The following CACNA2D3 variants were observed in gnomAD, a reference collection of about 807,000 sequenced individuals.
The protein encoded by CACNA2D3 is voltage-dependent calcium channel subunit alpha-2/delta-3.
CACNA2D3 carries 60 observed loss-of-function variants against 160.6 expected under a neutral mutation model. The observed-to-expected ratio is 0.37, with a 90% confidence interval of 0.30 to 0.46. The LOEUF (loss-of-function observed/expected upper bound fraction) is 0.46, where lower values mean the gene tolerates loss of function less well. Among genes scored for constraint, CACNA2D3 ranks in the 20% least tolerant of loss-of-function variants. The pLI, the probability that CACNA2D3 is intolerant of heterozygous loss-of-function variation, is 1.00. For synonymous variants in CACNA2D3, 558 were observed against 492.9 expected (o/e 1.13, Z -1.75); for missense variants, 1,205 against 1,365.0 (o/e 0.88, Z 1.85).
At chr3:54,556,331 G>A (rs935784451) in intron 5 of CACNA2D3, among the ~76,000 whole-genome samples, 8 of 152,082 alleles carry the variant, frequency 5.3e-5, no homozygotes, top group Non-Finnish European at 1.0e-4. Flanking sequence ...ACACACAGAA[G>A]GGAAGGCCAT....
chr3:54,713,944 A>G (rs1450883444), intron 11 of CACNA2D3, among the ~76,000 whole-genome samples: 1 of 152,164 alleles, frequency 6.6e-6, no homozygotes, highest in Non-Finnish European at 1.5e-5. Flanking sequence ...CCATTGTTCA[A>G]GTTTCACATA....
chr3:54,370,010 T>G (rs183423185), intron 3 of CACNA2D3, among the ~76,000 whole-genome samples: 19 of 152,316 alleles, frequency 1.2e-4, no homozygotes, highest in Admixed American at 2.6e-4. Context: ...CCCTTAAGAT[T>G]AGATGTTCTT....
intron 4 of CACNA2D3, among the ~76,000 whole-genome samples, chr3:54,427,073 C>G (rs756064059): frequency 6.6e-6 from 1 of 151,760 alleles, no homozygotes; most frequent in Non-Finnish European, 1.5e-5. Flanking sequence ...TTCTGCGTAC[C>G]CTTTCTGTGT....
chr3:54,426,379 T>C (rs1699912646), intron 4 of CACNA2D3, among the ~76,000 whole-genome samples: 1 of 152,230 alleles, frequency 6.6e-6, no homozygotes, highest in Admixed American at 6.5e-5. Flanking sequence ...AGATGTGTCA[T>C]AATATTTGCC....
chr3:54,993,773 G>T (rs1356551897), intron 31 of CACNA2D3, among the ~76,000 whole-genome samples: 1 of 151,808 alleles, frequency 6.6e-6, no homozygotes, highest in Non-Finnish European at 1.5e-5. Context: ...CCCTTGGCTT[G>T]CCAGGAAATG....
At chr3:54,669,763 T>A (rs904564563) in intron 11 of CACNA2D3, among the ~76,000 whole-genome samples, 1 of 152,110 alleles carries the variant, frequency 6.6e-6, no homozygotes, top group African/African-American at 2.4e-5. Flanking sequence ...TTAATTTTAT[T>A]TTTAAATTTT....
At chr3:54,349,036 C>T (rs1489196087) in intron 3 of CACNA2D3, among the ~76,000 whole-genome samples, 4 of 152,142 alleles carry the variant, frequency 2.6e-5, no homozygotes, top group African/African-American at 9.7e-5. Context: ...CCGACTGTTA[C>T]TTTTTTGATT....
intron 27 of CACNA2D3, among the ~76,000 whole-genome samples, chr3:54,948,153 C>G (rs968741453): frequency 6.6e-6 from 1 of 152,190 alleles, no homozygotes; most frequent in African/African-American, 2.4e-5. Flanking sequence ...ATTTCTACTT[C>G]TCCTCTCACC....
At chr3:55,003,253 G>A (rs531327288) in intron 31 of CACNA2D3, among the ~76,000 whole-genome samples, 2 of 152,116 alleles carry the variant, frequency 1.3e-5, no homozygotes, top group African/African-American at 4.8e-5. Context: ...ACTCAGGCTC[G>A]ACTTTACATG....
intron 4 of CACNA2D3, among the ~76,000 whole-genome samples, chr3:54,467,906 T>C (rs1399538985): frequency 6.6e-6 from 1 of 152,180 alleles, no homozygotes; most frequent in Non-Finnish European, 1.5e-5. Flanking sequence ...ATGATGAATG[T>C]TTGAGGTGAT....
intron 4 of CACNA2D3, among the ~76,000 whole-genome samples, chr3:54,442,275 T>A (rs776325495): frequency 6.6e-6 from 1 of 152,164 alleles, no homozygotes; most frequent in Non-Finnish European, 1.5e-5. Flanking sequence ...TTTTGGCCAA[T>A]GAGACATTGG....
chr3:54,601,000 C>T lies in CACNA2D3; in HGVS notation c.963+19123C>T, dbSNP rs1169333712. Among the ~76,000 whole-genome samples the T allele has an allele frequency of 2.6e-5, 4 of 152,078 alleles. No individual in the cohort carries two copies. In the East Asian group the frequency reaches 7.7e-4, roughly 29 times the overall value. On this transcript the variant is annotated intron_variant, in intron 9 of 37. Coordinates refer to ENST00000474759, the MANE Select transcript of CACNA2D3 (RefSeq NM_018398.3). ...GATCATGTGCCCAAAGTCTTGCAATCGGAATTGCACGATCCAGAGTGGCTA... is the reference window on the plus strand; with the variant it reads ...GATCATGTGCCCAAAGTCTTGCAATTGGAATTGCACGATCCAGAGTGGCTA...
At chr3:54,609,311 A>C (rs1255024318) in intron 9 of CACNA2D3, among the ~76,000 whole-genome samples, 1 of 152,178 alleles carries the variant, frequency 6.6e-6, no homozygotes, top group African/African-American at 2.4e-5. Flanking sequence ...AACCTCTAAA[A>C]CTGTAAGAAA....
intron 4 of CACNA2D3, among the ~76,000 whole-genome samples, chr3:54,403,368 C>CAT (rs1419492381): frequency 1.3e-5 from 2 of 150,230 alleles, no homozygotes; most frequent in African/African-American, 4.9e-5. Context: ...CACACACACA[C>CAT]ACACACACAC....
intron 4 of CACNA2D3, among the ~76,000 whole-genome samples, chr3:54,454,600 T>C (rs1700365761): frequency 6.6e-6 from 1 of 152,270 alleles, no homozygotes; most frequent in African/African-American, 2.4e-5. Flanking sequence ...TTTCTTCATA[T>C]TGGAAATGTT....
At chr3:54,612,865 G>T (rs1041354357) in intron 9 of CACNA2D3, among the ~76,000 whole-genome samples, 1 of 152,136 alleles carries the variant, frequency 6.6e-6, no homozygotes, top group African/African-American at 2.4e-5. Flanking sequence ...AGACTGGACC[G>T]CCTTATTACC....
chr3:54,137,119 G>A (rs900555086), intron 2 of CACNA2D3, among the ~76,000 whole-genome samples: 1 of 152,176 alleles, frequency 6.6e-6, no homozygotes, highest in African/African-American at 2.4e-5. Context: ...GGCTGGAGCT[G>A]CTCTTCCCCT....
chr3:54,244,929 A>G (rs1490647673), intron 2 of CACNA2D3, among the ~76,000 whole-genome samples: 1 of 152,228 alleles, frequency 6.6e-6, no homozygotes, highest in East Asian at 1.9e-4. Context: ...TCTAGTAATT[A>G]TATACTTTTG....
chr3:55,016,766 CAAA>C (rs1343788284), intron 34 of CACNA2D3, among the ~76,000 whole-genome samples: 1 of 152,176 alleles, frequency 6.6e-6, no homozygotes, highest in African/African-American at 2.4e-5. Flanking sequence ...TTTTAAATAA[CAAA>C]GATTACAATG....
Sources: allele counts gnomAD v4.1 joint callset (sites outside exome capture counted in the v4.1 genomes callset), GRCh38; gene constraint gnomAD v4.1.1; transcripts MANE v1.5; gene names NCBI Gene and HGNC (gene_info 2026-07-23, HGNC 2026-07-21).